ZNF624: variants seen among roughly 807,000 people sequenced by gnomAD.
ZNF624 encodes zinc finger protein 624.
A neutral mutation model predicts 74.7 loss-of-function variants in ZNF624; 43 were observed. That is an observed-to-expected ratio of 0.58 (90% CI 0.45 to 0.74). The LOEUF is 0.74. ZNF624 is among the 30% of genes least tolerant of loss of function. The pLI, the probability that ZNF624 is intolerant of heterozygous loss-of-function variation, is 0.00. For missense variants in ZNF624, 820 were observed against 1,030.0 expected (o/e 0.80, Z 2.79); for synonymous variants, 331 against 341.3 (o/e 0.97, Z 0.33).
In ZNF624 at chr17:16,622,445, C is replaced by A; in HGVS notation, c.2441G>T (p.Gly814Val). ...GERPYKCEEC[G>V]KAFRTNSDFT... ...GTCTGAGTTAGTTCTGAAGGCTTTTCCACATTCTTCACATTTATAGGGCCT... is the reference window on the plus strand; with the variant it reads ...GTCTGAGTTAGTTCTGAAGGCTTTTACACATTCTTCACATTTATAGGGCCT... Residue 814 changes from glycine to valine, a missense_variant, in exon 6 of 6, where the codon GGA (glycine) becomes GTA (valine). Gly to Val is a moderately radical substitution (Grantham distance 109, BLOSUM62 -3). Transcript: ENST00000311331. 2 of 1,614,014 alleles carry A rather than the reference C, an allele frequency of 1.2e-6. No individual in the cohort carries two copies. The highest frequency in any genetic ancestry group is 2.2e-5 in the South Asian group (2 of 91,076).
intron 5 of ZNF624, among the ~76,000 whole-genome samples, chr17:16,630,359 C>T (rs1909176715): frequency 1.3e-5 from 2 of 151,958 alleles, no homozygotes; most frequent in African/African-American, 4.8e-5. Context: ...GAGATCCAGA[C>T]CAACCTAGCC....
At chr17:16,617,683 C>T (rs1234365050), downstream of ZNF624, 2 of 1,604,728 alleles carry the variant, frequency 1.2e-6, no homozygotes, top group Non-Finnish European at 8.5e-7. Flanking sequence ...GCGTGCTCTA[C>T]GATCACGCGC....
downstream of ZNF624, among the ~76,000 whole-genome samples, chr17:16,619,109 T>C (rs1303964941): frequency 1.3e-5 from 2 of 152,204 alleles, no homozygotes; most frequent in Admixed American, 1.3e-4. Context: ...ATCATAAATG[T>C]TCAACTGCAA....
intron 3 of ZNF624, among the ~76,000 whole-genome samples, chr17:16,635,473 AT>A (rs1909306160): frequency 6.6e-6 from 1 of 152,218 alleles, no homozygotes; most frequent in Admixed American, 6.5e-5. Flanking sequence ...TATAAATGAA[AT>A]AAAAAATTAA....
At chr17:16,617,747 G>A, downstream of ZNF624, 5 of 1,604,512 alleles carry the variant, frequency 3.1e-6, 1 homozygote, top group Non-Finnish European at 3.4e-6. Context: ...CGGTGTCGCG[G>A]GAGTCCTCGA....
Position 16,622,628 on chromosome 17 carries a change from T to G in ZNF624, c.2258A>C (p.Lys753Thr). Residue 753 changes from lysine (K) to threonine (T), a missense_variant, in exon 6 of 6, where the codon AAG becomes ACG. Lys to Thr is a moderately conservative substitution (Grantham distance 78). Coordinates refer to ENST00000311331, the MANE Select transcript of ZNF624 (RefSeq NM_020787.4). ...QKIHSGEKPY[K>T]CDVCGKAFRR... Reference sequence around the variant, plus strand: ...GAAGGCTTTTCCACAGACATCACACTTATAGGGCTTCTCTCCACTATGGAT... The same window carrying G: ...GAAGGCTTTTCCACAGACATCACACGTATAGGGCTTCTCTCCACTATGGAT... 1 of 1,614,090 alleles carries G rather than the reference T, an allele frequency of 6.2e-7. No individual in the cohort carries two copies. The highest frequency in any genetic ancestry group is 1.1e-5 in the South Asian group (1 of 91,080).
At chr17:16,638,667 A>T (rs938212561) in intron 3 of ZNF624, among the ~76,000 whole-genome samples, 1 of 152,142 alleles carries the variant, frequency 6.6e-6, no homozygotes, top group Non-Finnish European at 1.5e-5. Context: ...AACAATGAGA[A>T]CACATGGACA....
At chr17:16,615,324 C>T in the ZNF624 span, among the ~76,000 whole-genome samples, 3 of 152,092 alleles carry the variant, frequency 2.0e-5, no homozygotes, top group African/African-American at 7.2e-5. Flanking sequence ...GTCTCCATCT[C>T]CTGACCTCGT....
At chr17:16,638,055 A>C (rs1191236866) in intron 3 of ZNF624, among the ~76,000 whole-genome samples, 3 of 152,262 alleles carry the variant, frequency 2.0e-5, no homozygotes, top group Admixed American at 6.5e-5. Flanking sequence ...TGGGCAAAGG[A>C]TATGAACAGA....
In ZNF624 at chr17:16,650,410, G is replaced by GTAT. The variant is rs1463134372; in HGVS notation, c.-2-667_-2-665dup. Among the ~76,000 whole-genome samples, 9 of 107,170 alleles carry GTAT rather than the reference G, an allele frequency of 8.4e-5. No homozygotes were observed. In the South Asian group the frequency reaches 2.4e-3, roughly 28 times the overall value. The allele number at this position is 107,170 out of a possible 152,430, so 70.3% of individuals were successfully genotyped here. A position where few individuals can be genotyped will look rare whatever the true frequency, so the allele number is the denominator to read the frequency against. Reference sequence around the variant, plus strand: ...GCAAACTTAAACAAAAAGGAAGCAGGTATAATAATAATAATAATAATAATA... The same window carrying GTAT: ...GCAAACTTAAACAAAAAGGAAGCAGGTATTATAATAATAATAATAATAATAATA... On this transcript the variant is annotated intron_variant, in intron 1 of 5. Transcript: ENST00000311331.
At chr17:16,624,681 G>A in intron 5 of ZNF624, 172 bp from the exon 6 acceptor site, 1 of 587,838 alleles carries the variant, frequency 1.7e-6, no homozygotes, top group East Asian at 3.1e-5. Context: ...GGCTGGTTTA[G>A]CAAAAACTAA....
chr17:16,636,911 T>C (rs1569045231), intron 3 of ZNF624, among the ~76,000 whole-genome samples: 3 of 152,112 alleles, frequency 2.0e-5, no homozygotes, highest in Admixed American at 2.0e-4. Context: ...CCCTGTCTTG[T>C]GCCAGTTTTC....
chr17:16,645,859 G>A (rs571412912), intron 3 of ZNF624, among the ~76,000 whole-genome samples: 1 of 147,540 alleles, frequency 6.8e-6, no homozygotes, highest in Admixed American at 6.9e-5. Context: ...GGCTGAGGCA[G>A]GAGAATCGCT....
At chr17:16,628,702 TACAAAG>T (rs1909131998) in intron 5 of ZNF624, among the ~76,000 whole-genome samples, 2 of 151,742 alleles carry the variant, frequency 1.3e-5, no homozygotes, top group African/African-American at 4.8e-5. Flanking sequence ...CCTAGAAGGT[TACAAAG>T]AGAAGTGAGA....
chr17:16,617,018 T>C, downstream of ZNF624: 2 of 1,608,398 alleles, frequency 1.2e-6, no homozygotes, highest in Admixed American at 1.7e-5. Flanking sequence ...TTTGACTTTG[T>C]ATGACCCTTT....
chr17:16,618,082 G>T (rs796834622), downstream of ZNF624, among the ~76,000 whole-genome samples: 7 of 152,304 alleles, frequency 4.6e-5, no homozygotes, highest in African/African-American at 1.7e-4. Context: ...GAAATTTTGA[G>T]GTTAGTTCCT....
In ZNF624 at chr17:16,653,791, G is replaced by A. The variant is rs944958187; in HGVS notation, c.-30C>T. On this transcript the variant is annotated 5_prime_UTR_variant, in exon 1 of 6. Transcript: ENST00000311331. ...GGCGGCCGAACTGAGGACAACTGAG[G>A]GAACTCGCAGAGCAGGGCGGGAACG... 1 of 152,752 alleles carries A rather than the reference G, an allele frequency of 6.5e-6. No homozygotes were observed. The highest frequency in any genetic ancestry group is 1.5e-5 in the Non-Finnish European group (1 of 68,086). 9.5% of individuals were successfully genotyped at this position (152,752 alleles called of 1,614,324 possible).
Position 16,624,305 on chromosome 17 carries a change from T to C in ZNF624, c.581A>G (p.Lys194Arg), listed in dbSNP as rs2142571692. ...GCCTCTTTGACTAGTGGGAGTCTTC[T>C]TGAGTGGAATTATTCTTTGACTCAA... ...NHLSQRIIPL[K>R]KTPTSQRGFR... is the part of the protein sequence containing the mutation. The change falls in exon 6 of 6, where the codon AAG becomes AGG. Residue 194 changes from lysine (K) to arginine (R), a missense_variant. Transcript: ENST00000311331. 1 of 1,613,698 alleles carries C rather than the reference T, an allele frequency of 6.2e-7. No homozygotes were observed. Among genetic ancestry groups the C allele is most frequent in the Non-Finnish European group, 8.5e-7 (1 of 1,179,882 alleles).
At chr17:16,650,545 C>T (rs1476993483) in intron 1 of ZNF624, among the ~76,000 whole-genome samples, 2 of 152,012 alleles carry the variant, frequency 1.3e-5, no homozygotes, top group Admixed American at 6.6e-5. Context: ...AACAGGGTGG[C>T]AGAGATCTTT....
Sources: gnomAD v4.1 joint callset for allele counts (sites outside exome capture counted in the v4.1 genomes callset) on GRCh38, gnomAD v4.1.1 for gene constraint, MANE v1.5 for transcripts, NCBI Gene and HGNC (gene_info 2026-07-23, HGNC 2026-07-21) for gene names.